Variants in FAM193A observed in about 807,000 individuals in gnomAD.
FAM193A encodes the protein family with sequence similarity 193 member A.
FAM193A carries 22 observed loss-of-function variants against 126.5 expected under a neutral mutation model. That is an observed-to-expected ratio of 0.17 (90% confidence interval 0.12 to 0.25). The LOEUF is 0.25. Among genes scored for constraint, FAM193A ranks in the 10% least tolerant of loss-of-function variants. The pLI, the probability that FAM193A is intolerant of heterozygous loss-of-function variation, is 1.00. For synonymous variants in FAM193A, 761 were observed against 646.8 expected, an observed-to-expected ratio of 1.18 and a Z score of -2.68; for missense variants, 1,675 against 1,672.8, an observed-to-expected ratio of 1.00 and a Z score of -0.02.
At chr4:2,636,839 T>C (rs1200513952) in intron 5 of FAM193A, among the ~76,000 whole-genome samples, 1 of 152,210 alleles carries the variant, frequency 6.6e-6, no homozygotes, top group East Asian at 1.9e-4. Context: ...CTCTGCCAGC[T>C]AGTTAGCTCT....
At chr4:2,616,100 G>A (rs552840817) in intron 2 of FAM193A, among the ~76,000 whole-genome samples, 6 of 152,258 alleles carry the variant, frequency 3.9e-5, no homozygotes, top group African/African-American at 9.6e-5. Flanking sequence ...GCGCCCGGCC[G>A]AAACTTCTAA....
chr4:2,694,500 C>T (rs772565897), intron 16 of FAM193A, among the ~76,000 whole-genome samples: 6 of 152,142 alleles, frequency 3.9e-5, no homozygotes, highest in Non-Finnish European at 8.8e-5. Context: ...AACTCCTGAC[C>T]TCAAGATCCA....
intron 1 of FAM193A, among the ~76,000 whole-genome samples, chr4:2,577,223 T>C (rs777135774): frequency 5.3e-5 from 8 of 152,152 alleles, no homozygotes; most frequent in Admixed American, 5.2e-4. Context: ...TTATAAGATA[T>C]TTTTGGTGTT....
intron 1 of FAM193A, among the ~76,000 whole-genome samples, chr4:2,568,880 C>T (rs927604972): frequency 4.0e-5 from 6 of 151,426 alleles, no homozygotes; most frequent in African/African-American, 1.2e-4. Flanking sequence ...GGCATGGAAC[C>T]TCAGAAGGTA....
intron 2 of FAM193A, among the ~76,000 whole-genome samples, chr4:2,599,188 C>T (rs1741046609): frequency 6.6e-6 from 1 of 152,066 alleles, no homozygotes; most frequent in Admixed American, 6.6e-5. Flanking sequence ...ACACTCTCAA[C>T]CTTTCAGAAT....
intron 19 of FAM193A, among the ~76,000 whole-genome samples, chr4:2,714,547 C>T (rs1008532173): frequency 2.6e-5 from 4 of 152,088 alleles, no homozygotes; most frequent in South Asian, 2.1e-4. Flanking sequence ...GCCTCCACCC[C>T]GCTGTGTGCC....
chr4:2,723,574 A>AG (rs1720400689), intron 20 of FAM193A, among the ~76,000 whole-genome samples: 1 of 50,376 alleles, frequency 2.0e-5, no homozygotes, highest in East Asian at 5.6e-4. Flanking sequence ...ACTCCGTCTC[A>AG]AAAAAAAAAA....
At chr4:2,608,206 ACGGT>A (rs1210673029) in intron 2 of FAM193A, 7 of 1,384,432 alleles carry the variant, frequency 5.1e-6, no homozygotes, top group Non-Finnish European at 7.0e-6. Flanking sequence ...TGTTTTCGAG[ACGGT>A]CGGTCTCGCC....
In FAM193A at chr4:2,721,725, G is replaced by C. The variant is rs529456547; in HGVS notation, c.4454+5621G>C. ...ATAACTGTTAAATTACTTTGGAAAAGAGTTTGGCAGACTCTAGCAAAATTG... is the reference window on the plus strand; with the variant it reads ...ATAACTGTTAAATTACTTTGGAAAACAGTTTGGCAGACTCTAGCAAAATTG... On this transcript the variant is annotated intron_variant, in intron 20 of 20. Transcript: ENST00000637812. 4.6e-5 allele frequency among the ~76,000 whole-genome samples: 7 copies of C among 152,316 alleles called. No individual in the cohort carries two copies. In the South Asian group the frequency reaches 1.2e-3, roughly 27 times the overall value.
At chr4:2,609,927 TAA>T (rs796205895) in intron 2 of FAM193A, among the ~76,000 whole-genome samples, 4 of 118,590 alleles carry the variant, frequency 3.4e-5, no homozygotes, top group Non-Finnish European at 1.8e-5. Flanking sequence ...GACTCCGTCT[TAA>T]AAAAAAAAAA....
chr4:2,606,782 A>G (rs996945876), intron 2 of FAM193A, among the ~76,000 whole-genome samples: 1 of 152,230 alleles, frequency 6.6e-6, no homozygotes, highest in African/African-American at 2.4e-5. Context: ...TGTTAATACC[A>G]CCACTGATCT....
intron 4 of FAM193A, among the ~76,000 whole-genome samples, chr4:2,627,278 A>C (rs1273335974): frequency 1.3e-5 from 2 of 149,120 alleles, no homozygotes; most frequent in African/African-American, 5.0e-5. Context: ...CTTATGTCTC[A>C]GCCTCCAGAG....
At chr4:2,665,870 G>A (rs755563928) in intron 12 of FAM193A, among the ~76,000 whole-genome samples, 5 of 151,220 alleles carry the variant, frequency 3.3e-5, no homozygotes, top group East Asian at 1.9e-4. Flanking sequence ...TTTTTGAGAC[G>A]GAGTCTCGCT....
chr4:2,643,282 A>G (rs1744817725), intron 6 of FAM193A, among the ~76,000 whole-genome samples: 1 of 152,194 alleles, frequency 6.6e-6, no homozygotes, highest in South Asian at 2.1e-4. Flanking sequence ...CAATTCATAA[A>G]AATTTTGCTA....
intron 13 of FAM193A, among the ~76,000 whole-genome samples, chr4:2,689,195 G>C (rs190611663): frequency 6.6e-6 from 1 of 152,308 alleles, no homozygotes; most frequent in East Asian, 1.9e-4. Flanking sequence ...ATCTTACGAC[G>C]CACATGGCAC....
intron 17 of FAM193A, among the ~76,000 whole-genome samples, chr4:2,696,005 G>A (rs1467889234): frequency 6.6e-6 from 1 of 151,732 alleles, no homozygotes; most frequent in Non-Finnish European, 1.5e-5. Context: ...TCCAACCTGG[G>A]TGACAGAGCA....
intron 13 of FAM193A, among the ~76,000 whole-genome samples, chr4:2,676,680 C>T (rs1003506214): frequency 1.7e-4 from 26 of 152,294 alleles, no homozygotes; most frequent in South Asian, 6.2e-4. Context: ...CGGTGGCTCA[C>T]GCCTGTAATT....
At position 2,722,234 on chromosome 4, in the gene FAM193A, T is replaced by C. The variant is rs1166178315; in HGVS notation, c.4454+6130T>C. On this transcript the variant is annotated intron_variant, in intron 20 of 20. Transcript: ENST00000637812. ...GTGTGTCAGACACCGTGTGCATGTC[T>C]CACGTAGTCTGCAGTCGACAAAACA... 2.0e-5 allele frequency among the ~76,000 whole-genome samples: 3 copies of C among 152,104 alleles called. 1 individual carries two copies. Among genetic ancestry groups the C allele is most frequent in the Admixed American group, 2.0e-4 (3 of 15,256 alleles).
At chr4:2,671,596 C>T (rs1477274045) in intron 12 of FAM193A, among the ~76,000 whole-genome samples, 1 of 152,212 alleles carries the variant, frequency 6.6e-6, no homozygotes, top group East Asian at 1.9e-4. Flanking sequence ...CGGTATTTTC[C>T]TTGGGCTGAT....
Sources: gnomAD v4.1 joint callset for allele counts (sites outside exome capture counted in the v4.1 genomes callset) on GRCh38, gnomAD v4.1.1 for gene constraint, MANE v1.5 for transcripts, NCBI Gene and HGNC (gene_info 2026-07-23, HGNC 2026-07-21) for gene names.